DOCK3: variants seen among roughly 807,000 people sequenced by gnomAD.
DOCK3 encodes dedicator of cytokinesis protein 3.
In DOCK3, 60 loss-of-function variants were observed where a neutral mutation model predicts 265.6. That is an observed-to-expected ratio of 0.23 (90% CI 0.18 to 0.28). DOCK3 has a LOEUF of 0.28. Among genes scored for constraint, DOCK3 ranks in the 10% least tolerant of loss-of-function variants. The pLI is 1.00. For missense variants in DOCK3, 1,981 were observed against 2,594.3 expected (o/e 0.76, Z 5.14); for synonymous variants, 881 against 938.0 (o/e 0.94, Z 1.11).
chr3:50,952,131 A>C (rs2076607066), intron 5 of DOCK3, among the ~76,000 whole-genome samples: 1 of 152,182 alleles, frequency 6.6e-6, no homozygotes, highest in African/African-American at 2.4e-5. Flanking sequence ...AATTATACCC[A>C]AGGACATTCT....
intron 2 of DOCK3, among the ~76,000 whole-genome samples, chr3:50,840,414 G>T (rs879756173): frequency 2.6e-5 from 4 of 152,194 alleles, no homozygotes; most frequent in African/African-American, 4.8e-5. Flanking sequence ...TCTATATGTA[G>T]ATTCATTTTC....
chr3:51,381,001 A>G lies in DOCK3; in HGVS notation c.5584-49A>G, dbSNP rs782542791. 1 of 1,530,492 alleles carries G rather than the reference A, an allele frequency of 6.5e-7. No individual in the cohort carries two copies. Among genetic ancestry groups the G allele is most frequent in the South Asian group, 1.3e-5 (1 of 79,652 alleles). 94.8% of individuals were successfully genotyped at this position (1,530,492 alleles called of 1,614,324 possible). ...TTGGTCTTCCTATGGCGGGCAAGTC[A>G]GCCTGTCTGGAGAGAGGGATTCTAA... On this transcript the variant is annotated intron_variant, in intron 52 of 52. Transcript: ENST00000266037. The surrounding 1 kb of genome is among the most constrained non-coding windows in gnomAD (Gnocchi z 5.6).
chr3:51,181,485 G>C (rs1407116518), intron 12 of DOCK3, among the ~76,000 whole-genome samples: 2 of 151,862 alleles, frequency 1.3e-5, no homozygotes, highest in Non-Finnish European at 2.9e-5. Context: ...TTTTATGGCT[G>C]CATGGTATTC....
At chr3:50,921,759 A>C (rs531215402) in intron 4 of DOCK3, among the ~76,000 whole-genome samples, 1 of 151,946 alleles carries the variant, frequency 6.6e-6, no homozygotes, top group Non-Finnish European at 1.5e-5. Flanking sequence ...TCTGTTTGTT[A>C]GTTTTCCTTC....
chr3:50,954,587 A>G (rs2076679477), intron 5 of DOCK3, among the ~76,000 whole-genome samples: 1 of 152,128 alleles, frequency 6.6e-6, no homozygotes, highest in South Asian at 2.1e-4. Context: ...AGAACAATTA[A>G]GGGTAAAAGT....
intron 1 of DOCK3, among the ~76,000 whole-genome samples, chr3:50,708,191 G>A (rs2036538029): frequency 6.6e-6 from 1 of 152,186 alleles, no homozygotes; most frequent in Non-Finnish European, 1.5e-5. Context: ...TGGCATCCAG[G>A]CAGACTGGTC....
chr3:51,379,426 T>C (rs1451649545), intron 51 of DOCK3: 1 of 985,350 alleles, frequency 1.0e-6, no homozygotes, highest in Admixed American at 6.1e-5. Flanking sequence ...CCTCCCTTCA[T>C]GCCATCTGTT....
chr3:51,191,179 C>T lies in DOCK3; in HGVS notation c.1038-17595C>T, dbSNP rs140095184. Among the ~76,000 whole-genome samples, 271 of 151,906 alleles carry T rather than the reference C, an allele frequency of 1.8e-3. 3 individuals carry two copies. The highest frequency in any genetic ancestry group is 5.8e-3 in the African/African-American group (241 of 41,522). Reference sequence around the variant, plus strand: ...ATCAGGGCTTTCACGCTACACCCCTCCCAGTCCACTCCCACAAAGCTGGGG... The same window carrying T: ...ATCAGGGCTTTCACGCTACACCCCTTCCAGTCCACTCCCACAAAGCTGGGG... On this transcript the variant is annotated intron_variant, in intron 12 of 52. Coordinates refer to ENST00000266037, the MANE Select transcript of DOCK3 (RefSeq NM_004947.5).
intron 27 of DOCK3, among the ~76,000 whole-genome samples, chr3:51,305,733 C>CATGTGTGT (rs760662613): frequency 7.4e-6 from 1 of 135,526 alleles, no homozygotes; most frequent in Non-Finnish European, 1.5e-5. Context: ...TGTGTGTGTG[C>CATGTGTGT]GCGTGTGTGT....
intron 2 of DOCK3, among the ~76,000 whole-genome samples, chr3:50,790,976 A>G (rs1415622253): frequency 1.3e-5 from 2 of 151,380 alleles, no homozygotes; most frequent in African/African-American, 4.9e-5. Context: ...TGTTGTTGTT[A>G]TAAATTTGTT....
intron 1 of DOCK3, among the ~76,000 whole-genome samples, chr3:50,766,529 A>G (rs1204192440): frequency 2.0e-5 from 3 of 152,014 alleles, no homozygotes; most frequent in Non-Finnish European, 4.4e-5. Context: ...TCATTGATGG[A>G]CATTTTGGTT....
At chr3:51,130,856 C>T (rs775980460) in intron 9 of DOCK3, among the ~76,000 whole-genome samples, 15 of 152,060 alleles carry the variant, frequency 9.9e-5, no homozygotes, top group South Asian at 8.4e-4. Context: ...TACAAGTGCG[C>T]GCCACCACAC....
intron 2 of DOCK3, among the ~76,000 whole-genome samples, chr3:50,816,323 C>CTTTT (rs68016163): frequency 3.4e-5 from 3 of 88,744 alleles, no homozygotes; most frequent in African/African-American, 7.9e-5. Context: ...TCTTGTAACT[C>CTTTT]TTTTTTTTTT....
chr3:51,373,709 T>C (rs112265116), intron 49 of DOCK3, among the ~76,000 whole-genome samples: 2 of 152,272 alleles, frequency 1.3e-5, no homozygotes, highest in African/African-American at 4.8e-5. Flanking sequence ...GAGTAGAACA[T>C]GAATCAAGTC....
At chr3:51,263,344 A>G (rs2079964390) in intron 23 of DOCK3, among the ~76,000 whole-genome samples, 1 of 152,224 alleles carries the variant, frequency 6.6e-6, no homozygotes, top group African/African-American at 2.4e-5. Context: ...AAGGAGAAAT[A>G]AAATCTTTTA....
chr3:51,236,754 A>AT (rs34152380), intron 20 of DOCK3, among the ~76,000 whole-genome samples: 1 of 152,162 alleles, frequency 6.6e-6, no homozygotes. Flanking sequence ...CAGATGGCTC[A>AT]TTTTTTCACT....
intron 4 of DOCK3, among the ~76,000 whole-genome samples, chr3:50,924,858 ATTATGCGGGTGG>A (rs1272896053): frequency 2.6e-5 from 4 of 152,214 alleles, no homozygotes; most frequent in African/African-American, 9.6e-5. Context: ...ACTGGGGACA[ATTATGCGGGTGG>A]TGTATGGTCT....
At chr3:51,169,381 A>G (rs1175498304) in intron 12 of DOCK3, among the ~76,000 whole-genome samples, 3 of 152,250 alleles carry the variant, frequency 2.0e-5, no homozygotes, top group African/African-American at 2.4e-5. Flanking sequence ...TGTGGCACAT[A>G]TACACCATGG....
intron 4 of DOCK3, among the ~76,000 whole-genome samples, chr3:50,920,859 C>G (rs1401946992): frequency 6.6e-6 from 1 of 152,278 alleles, no homozygotes; most frequent in East Asian, 1.9e-4. Flanking sequence ...AATTTTAGAT[C>G]TTTCCTGCTT....
Sources: allele counts gnomAD v4.1 joint callset (sites outside exome capture counted in the v4.1 genomes callset), GRCh38; gene constraint gnomAD v4.1.1; non-coding constraint Gnocchi (gnomAD v3.1); transcripts MANE v1.5; gene names NCBI Gene and HGNC (gene_info 2026-07-23, HGNC 2026-07-21).